The following ZNF804B variants were observed in gnomAD, a reference collection of about 807,000 sequenced individuals.
ZNF804B encodes the protein zinc finger 804B.
ZNF804B carries 80 observed loss-of-function variants against 101.4 expected under a neutral mutation model. That is an observed-to-expected ratio of 0.79 (90% CI 0.66 to 0.95). The LOEUF (loss-of-function observed/expected upper bound fraction) is 0.95. Ranked by LOEUF, ZNF804B falls within the 40% of genes least tolerant of loss-of-function variation. The probability of loss-of-function intolerance (pLI) is 0.00; values close to 1 mark genes in which losing one functional copy is unlikely to be tolerated. For missense variants in ZNF804B, 1,673 were observed against 1,561.9 expected, an observed-to-expected ratio of 1.07 and a Z score of -1.20; for synonymous variants, 622 against 558.8, an observed-to-expected ratio of 1.11 and a Z score of -1.59.
intron 1 of ZNF804B, among the ~76,000 whole-genome samples, chr7:88,892,997 AT>A (rs1194068264): frequency 1.3e-5 from 2 of 152,068 alleles, no homozygotes; most frequent in East Asian, 3.9e-4. Context: ...AACTTAGTTT[AT>A]TTGCAGAGTG....
At chr7:89,010,559 C>CTGG (rs1788440681) in intron 1 of ZNF804B, among the ~76,000 whole-genome samples, 1 of 152,094 alleles carries the variant, frequency 6.6e-6, no homozygotes, top group Admixed American at 6.6e-5. Flanking sequence ...TGGGTAACAA[C>CTGG]AATTTGCTCA....
At chr7:89,190,007 A>G (rs1256683759) in intron 1 of ZNF804B, among the ~76,000 whole-genome samples, 3 of 152,176 alleles carry the variant, frequency 2.0e-5, no homozygotes, top group Non-Finnish European at 4.4e-5. Context: ...TTCATGTTTC[A>G]TAGAAAGAGG....
At chr7:89,304,979 G>C (rs575518878) in intron 2 of ZNF804B, among the ~76,000 whole-genome samples, 1 of 152,106 alleles carries the variant, frequency 6.6e-6, no homozygotes, top group East Asian at 1.9e-4. Context: ...ATGCAAGACG[G>C]ACTTGCATTA....
At chr7:88,995,060 C>T (rs1185072261) in intron 1 of ZNF804B, among the ~76,000 whole-genome samples, 3 of 152,004 alleles carry the variant, frequency 2.0e-5, no homozygotes, top group African/African-American at 7.2e-5. Context: ...GATGACTACT[C>T]CTTTAAGAGC....
At chr7:88,876,065 A>G (rs1055285630) in intron 1 of ZNF804B, among the ~76,000 whole-genome samples, 1 of 152,030 alleles carries the variant, frequency 6.6e-6, no homozygotes, top group Non-Finnish European at 1.5e-5. Flanking sequence ...AATCCATGAT[A>G]TTTCTATCAT....
chr7:89,217,363 C>G (rs1788913017), intron 1 of ZNF804B, among the ~76,000 whole-genome samples: 1 of 152,066 alleles, frequency 6.6e-6, no homozygotes, highest in Admixed American at 6.5e-5. Context: ...TAACTTGGAG[C>G]CCATGAGTGT....
At chr7:89,312,119 C>T (rs972786031) in intron 2 of ZNF804B, among the ~76,000 whole-genome samples, 3 of 152,092 alleles carry the variant, frequency 2.0e-5, no homozygotes, top group Non-Finnish European at 4.4e-5. Context: ...TTACCATATG[C>T]CACTCCCTCA....
chr7:88,897,019 CAA>C (rs1182963161), intron 1 of ZNF804B, among the ~76,000 whole-genome samples: 1 of 152,082 alleles, frequency 6.6e-6, no homozygotes, highest in African/African-American at 2.4e-5. Flanking sequence ...AATTGATAAT[CAA>C]GAGAGATGTT....
chr7:88,967,601 A>G (rs990123405), intron 1 of ZNF804B, among the ~76,000 whole-genome samples: 2 of 133,354 alleles, frequency 1.5e-5, no homozygotes, highest in Admixed American at 7.6e-5. Flanking sequence ...TATTACTAAT[A>G]GAACAATAGT....
At chr7:89,197,553 G>A (rs2115637691) in intron 1 of ZNF804B, among the ~76,000 whole-genome samples, 1 of 151,792 alleles carries the variant, frequency 6.6e-6, no homozygotes, top group South Asian at 2.1e-4. Flanking sequence ...TATACTATAA[G>A]AGTTTTCATA....
At chr7:88,834,271 A>G (rs1471371838) in intron 1 of ZNF804B, among the ~76,000 whole-genome samples, 1 of 151,862 alleles carries the variant, frequency 6.6e-6, no homozygotes, top group African/African-American at 2.4e-5. Flanking sequence ...AATGTAGGCT[A>G]TATTGCGAAT....
chr7:89,236,622 G>C (rs902367186), intron 2 of ZNF804B, among the ~76,000 whole-genome samples: 1 of 152,048 alleles, frequency 6.6e-6, no homozygotes, highest in Non-Finnish European at 1.5e-5. Flanking sequence ...AATACAAAGA[G>C]TTCAGAATCC....
At chr7:88,953,689 A>AGATCAT (rs1428853371) in intron 1 of ZNF804B, among the ~76,000 whole-genome samples, 1 of 151,772 alleles carries the variant, frequency 6.6e-6, no homozygotes, top group Non-Finnish European at 1.5e-5. Flanking sequence ...GATAAGTTCC[A>AGATCAT]GATCATAGAA....
At chr7:89,227,278 A>G (rs1038279982) in intron 2 of ZNF804B, among the ~76,000 whole-genome samples, 7 of 152,188 alleles carry the variant, frequency 4.6e-5, no homozygotes, top group African/African-American at 1.7e-4. Context: ...CTGAGTTGTA[A>G]CTTTCAGTTT....
intron 1 of ZNF804B, among the ~76,000 whole-genome samples, chr7:89,110,519 T>A (rs2093563010): frequency 6.6e-6 from 1 of 152,176 alleles, no homozygotes; most frequent in African/African-American, 2.4e-5. Flanking sequence ...CAGATATAAG[T>A]GACAGCTCAA....
chr7:89,095,651 C>T (rs1448458995), intron 1 of ZNF804B, among the ~76,000 whole-genome samples: 1 of 152,138 alleles, frequency 6.6e-6, no homozygotes, highest in Non-Finnish European at 1.5e-5. Context: ...AACTCTGTTA[C>T]TAGTTTAGCG....
intron 1 of ZNF804B, among the ~76,000 whole-genome samples, chr7:88,771,667 C>T (rs1371538520): frequency 1.3e-5 from 2 of 152,030 alleles, no homozygotes; most frequent in African/African-American, 2.4e-5. Flanking sequence ...ACTGATTAGG[C>T]ACAAATGAAT....
At chr7:89,150,387 C>A (rs180689753) in intron 1 of ZNF804B, among the ~76,000 whole-genome samples, 2 of 152,084 alleles carry the variant, frequency 1.3e-5, no homozygotes, top group East Asian at 3.9e-4. Context: ...TGTATATGCA[C>A]ACGCATTATT....
At chr7:88,995,275 A>C (rs1793905030) in intron 1 of ZNF804B, among the ~76,000 whole-genome samples, 1 of 152,056 alleles carries the variant, frequency 6.6e-6, no homozygotes, top group South Asian at 2.1e-4. Context: ...CCTATATCAG[A>C]AAACCAAAAA....
Sources: allele counts gnomAD v4.1 joint callset (sites outside exome capture counted in the v4.1 genomes callset), GRCh38; gene constraint gnomAD v4.1.1; transcripts MANE v1.5; gene names NCBI Gene and HGNC (gene_info 2026-07-23, HGNC 2026-07-21).